Variants in ATP8A1 observed in about 807,000 individuals in gnomAD.
ATP8A1 encodes the protein phospholipid-transporting ATPase IA.
Under a neutral mutation model 177.7 loss-of-function variants are expected in ATP8A1, and 90 were observed. That is an observed-to-expected ratio of 0.51 (90% CI 0.43 to 0.60). The LOEUF is 0.60. ATP8A1 is among the 20% of genes least tolerant of loss of function. The pLI, the probability that ATP8A1 is intolerant of heterozygous loss-of-function variation, is 0.00. For missense variants in ATP8A1, 1,072 were observed against 1,392.8 expected, an observed-to-expected ratio of 0.77 and a Z score of 3.67; for synonymous variants, 493 against 485.9, an observed-to-expected ratio of 1.01 and a Z score of -0.19.
chr4:42,575,550 T>C (rs1488494207), intron 13 of ATP8A1, 72 bp downstream of exon 13: 3 of 1,234,444 alleles, frequency 2.4e-6, no homozygotes, highest in African/African-American at 3.0e-5. Context: ...TCTGCAGTTA[T>C]CATATATGGC....
At chr4:42,619,899 C>T (rs1366770658) in intron 4 of ATP8A1, among the ~76,000 whole-genome samples, 2 of 152,174 alleles carry the variant, frequency 1.3e-5, no homozygotes, top group African/African-American at 4.8e-5. Context: ...TCCATCCCCT[C>T]TCCCCACCCT....
At position 42,411,603 on chromosome 4, in the gene ATP8A1, T is replaced by C. The variant is rs1223645127; in HGVS notation, c.*1313A>G. 6.6e-6 allele frequency: 1 copy of C among 152,200 alleles called. No homozygotes were observed. The highest frequency in any genetic ancestry group is 1.5e-5 in the Non-Finnish European group (1 of 68,038). The allele number at this position is 152,200 out of a possible 1,614,324, so 9.4% of individuals were successfully genotyped here. On this transcript the variant is annotated 3_prime_UTR_variant, in exon 37 of 37. Transcript: ENST00000381668. ...ACTGTTGGTAGCAAAATAGCCATTT[T>C]CAGATGTCTTGTAAATGCTGAAAAT... is the stretch of plus-strand genomic sequence containing the variant.
chr4:42,656,791 C>T, intron 1 of ATP8A1, 34 bp downstream of exon 1: 8 of 1,530,146 alleles, frequency 5.2e-6, no homozygotes, highest in Non-Finnish European at 6.2e-6. Flanking sequence ...GCTTCCCGAC[C>T]CCGGGCTAGC....
chr4:42,457,741 T>C (rs1454745942), intron 27 of ATP8A1, among the ~76,000 whole-genome samples: 2 of 152,352 alleles, frequency 1.3e-5, no homozygotes, highest in East Asian at 1.9e-4. Context: ...TACTACGAGC[T>C]TGAAATTTAA....
rs1375460645 is a variant in ATP8A1 at position 42,454,295 on chromosome 4, C to T, written c.2817+1002G>A. Reference sequence around the variant, plus strand: ...TAGAGGCACCAAAACACCTGTTTCACTTTATTCTCTTGGCATATGGAAAAT... The same window carrying T: ...TAGAGGCACCAAAACACCTGTTTCATTTTATTCTCTTGGCATATGGAAAAT... On this transcript the variant is annotated intron_variant, in intron 29 of 36. Transcript: ENST00000381668. 2.0e-5 allele frequency among the ~76,000 whole-genome samples: 3 copies of T among 152,160 alleles called. No individual in the cohort carries two copies. The East Asian group carries it at 5.8e-4, about 29-fold the overall frequency.
intron 20 of ATP8A1, among the ~76,000 whole-genome samples, chr4:42,534,469 A>G (rs564533152): frequency 6.6e-6 from 1 of 152,286 alleles, no homozygotes; most frequent in African/African-American, 2.4e-5. Flanking sequence ...ATAAAGAAAA[A>G]AGAATTTAAA....
chr4:42,569,017 T>C, intron 15 of ATP8A1, 144 bp downstream of exon 15: 1 of 293,158 alleles, frequency 3.4e-6, no homozygotes, highest in African/African-American at 2.2e-5. Context: ...ATATCTACTT[T>C]ACAGCATTGT....
chr4:42,593,224 C>T (rs575346593), intron 6 of ATP8A1, among the ~76,000 whole-genome samples: 15 of 152,140 alleles, frequency 9.9e-5, no homozygotes, highest in Non-Finnish European at 1.6e-4. Context: ...ACAATAAGCT[C>T]TCCCTCAAGC....
At chr4:42,418,889 G>A (rs1269945343) in intron 35 of ATP8A1, among the ~76,000 whole-genome samples, 2 of 152,094 alleles carry the variant, frequency 1.3e-5, no homozygotes, top group Non-Finnish European at 2.9e-5. Flanking sequence ...AGAAATTATT[G>A]TAAATATTAA....
chr4:42,514,343 C>T (rs1230665354), intron 22 of ATP8A1, among the ~76,000 whole-genome samples: 1 of 152,132 alleles, frequency 6.6e-6, no homozygotes, highest in Non-Finnish European at 1.5e-5. Flanking sequence ...CAGCAATACC[C>T]AGGGTGGAAA....
intron 25 of ATP8A1, among the ~76,000 whole-genome samples, chr4:42,483,377 G>A (rs73810712): frequency 1.9e-3 from 253 of 134,266 alleles, no homozygotes; most frequent in Non-Finnish European, 2.5e-3. Flanking sequence ...TGTGACTTAA[G>A]AAAAAAAAAA....
At chr4:42,561,460 C>T (rs944459985) in intron 15 of ATP8A1, 1 of 152,348 alleles carries the variant, frequency 6.6e-6, no homozygotes, top group African/African-American at 2.4e-5. Context: ...GGCTTACCCT[C>T]TGATGTCTGC....
intron 22 of ATP8A1, among the ~76,000 whole-genome samples, chr4:42,511,777 T>C (rs1725026199): frequency 1.3e-5 from 2 of 152,358 alleles, no homozygotes; most frequent in Middle Eastern, 3.4e-3. Flanking sequence ...CAAAGTGACC[T>C]ATTTCCATAT....
chr4:42,429,011 C>T (rs1714949305), intron 33 of ATP8A1, among the ~76,000 whole-genome samples: 1 of 152,136 alleles, frequency 6.6e-6, no homozygotes, highest in South Asian at 2.1e-4. Context: ...AAGTGCTTAA[C>T]CACCAAGCAG....
At chr4:42,640,516 C>T (rs1310712472) in intron 1 of ATP8A1, among the ~76,000 whole-genome samples, 1 of 152,190 alleles carries the variant, frequency 6.6e-6, no homozygotes, top group Admixed American at 6.5e-5. Flanking sequence ...CCTCCACTGA[C>T]TAAATCCCTT....
intron 19 of ATP8A1, among the ~76,000 whole-genome samples, chr4:42,547,347 C>T (rs1257292256): frequency 6.6e-6 from 1 of 152,190 alleles, no homozygotes; most frequent in African/African-American, 2.4e-5. Flanking sequence ...TTTATTTTCA[C>T]TACCATCATC....
chr4:42,488,308 C>G (rs948430283), intron 24 of ATP8A1, among the ~76,000 whole-genome samples: 1 of 152,070 alleles, frequency 6.6e-6, no homozygotes, highest in Non-Finnish European at 1.5e-5. Context: ...TGTTTCAGTT[C>G]CTTGCTTAAA....
intron 1 of ATP8A1, among the ~76,000 whole-genome samples, chr4:42,636,711 C>T (rs928109622): frequency 6.6e-6 from 1 of 152,126 alleles, no homozygotes; most frequent in Non-Finnish European, 1.5e-5. Flanking sequence ...TCGGCATCTG[C>T]TTCTCCTGGA....
intron 6 of ATP8A1, among the ~76,000 whole-genome samples, chr4:42,599,812 A>G (rs1353629752): frequency 6.6e-6 from 1 of 152,188 alleles, no homozygotes; most frequent in African/African-American, 2.4e-5. Context: ...GTCTTTTACC[A>G]AGTTACCAAA....
Sources: gnomAD v4.1 joint callset for allele counts (sites outside exome capture counted in the v4.1 genomes callset) on GRCh38, gnomAD v4.1.1 for gene constraint, MANE v1.5 for transcripts, NCBI Gene and HGNC (gene_info 2026-07-23, HGNC 2026-07-21) for gene names.